ZNF775: variants seen among roughly 807,000 people sequenced by gnomAD.
ZNF775 encodes the protein zinc finger protein 775.
ZNF775 carries 1 observed loss-of-function variant against 2.4 expected under a neutral mutation model. That is an observed-to-expected ratio of 0.41 (90% CI 0.15 to 1.94). The LOEUF is 1.94. ZNF775 is among the 30% of genes most tolerant of loss of function. The pLI, the probability that ZNF775 is intolerant of heterozygous loss-of-function variation, is 0.30. For synonymous variants in ZNF775, 381 were observed against 373.3 expected (o/e 1.02, Z -0.24); for missense variants, 823 against 826.6 (o/e 1.00, Z 0.05).
rs1343184661 is a variant in ZNF775 at position 150,397,750 on chromosome 7, G to A, written c.1269G>A (p.Pro423=). 14 of 1,482,384 alleles carry A rather than the reference G, an allele frequency of 9.4e-6. No homozygotes were observed. The highest frequency in any genetic ancestry group is 2.6e-5 in the East Asian group (1 of 38,364). 91.8% of individuals were successfully genotyped at this position (1,482,384 alleles called of 1,614,324 possible). A position where few individuals can be genotyped will look rare whatever the true frequency, so the allele number is the denominator to read the frequency against. The stretch of plus-strand genomic sequence containing the variant: ...GGCCGCGGAGCTCCCAACGGTCCCC[G>A]GGGGCCCGGGACACGCTGTGGGGCC... ...AARPRSSQRS[P]GARDTLWGRG... is the part of the protein sequence containing the mutation. Residue 423 remains proline, a synonymous_variant, in exon 3 of 3, where the codon CCG becomes CCA. Transcript: ENST00000329630.
chr7:150,396,467 G>T (rs776091856), intron 2 of ZNF775, 46 bp from the exon 3 acceptor site: 2 of 1,526,710 alleles, frequency 1.3e-6, no homozygotes, highest in Admixed American at 4.7e-5. Flanking sequence ...ACCCAGCGGA[G>T]CAGCAGTGAC....
Position 150,388,014 on chromosome 7 carries a change from T to G in ZNF775, c.-49-408T>G, listed in dbSNP as rs1315923508. ...TTCTGCCTTCCGGGTGCATTCCTCA[T>G]GGCCAGTCGCAGACATGTCTCTAAC... On this transcript the variant is annotated intron_variant, in intron 1 of 2. Transcript: ENST00000329630. Among the ~76,000 whole-genome samples the G allele has an allele frequency of 1.2e-4, 19 of 152,118 alleles. No individual in the cohort carries two copies. The East Asian group carries it at 3.5e-3, about 28-fold the overall frequency.
Position 150,392,545 on chromosome 7 carries a change from A to ATCTCTCTCTCTCTCTCTCTCTCTCTC in ZNF775, c.32-3952_32-3927dup, listed in dbSNP as rs56067146. ...TTTATTTTCTTTTTTTCCCAAATGGATCTCTCTCTCTCTCTCTCTCTCTCT... is the reference window on the plus strand; with the variant it reads ...TTTATTTTCTTTTTTTCCCAAATGGATCTCTCTCTCTCTCTCTCTCTCTCTCTCTCTCTCTCTCTCTCTCTCTCTCT... On this transcript the variant is annotated intron_variant, in intron 2 of 2. Coordinates refer to ENST00000329630, the MANE Select transcript of ZNF775 (RefSeq NM_173680.4). Among the ~76,000 whole-genome samples the ATCTCTCTCTCTCTCTCTCTCTCTCTC allele has an allele frequency of 4.1e-4, 56 of 136,642 alleles. 1 individual carries two copies. Among genetic ancestry groups the ATCTCTCTCTCTCTCTCTCTCTCTCTC allele is most frequent in the African/African-American group, 1.6e-3 (53 of 33,618 alleles). The allele number at this position is 136,642 out of a possible 152,430, so 89.6% of individuals were successfully genotyped here.
In ZNF775 at chr7:150,393,738, G is replaced by A. The variant is rs149085320; in HGVS notation, c.32-2775G>A. On this transcript the variant is annotated intron_variant, in intron 2 of 2. Coordinates refer to ENST00000329630, the MANE Select transcript of ZNF775 (RefSeq NM_173680.4). Reference sequence around the variant, plus strand: ...GGCTGGAGAGCAATGGTGTGATCTCGGCTTGCTGCAACCTCTGCCTCCTGG... The same window carrying A: ...GGCTGGAGAGCAATGGTGTGATCTCAGCTTGCTGCAACCTCTGCCTCCTGG... Among the ~76,000 whole-genome samples, 1,014 of 151,804 alleles carry A rather than the reference G, an allele frequency of 6.7e-3. 12 individuals carry two copies. Among genetic ancestry groups the A allele is most frequent in the African/African-American group, 0.023 (935 of 41,384 alleles).
Position 150,397,586 on chromosome 7 carries a change from C to G in ZNF775, c.1105C>G (p.Pro369Ala). The G allele has an allele frequency of 6.8e-7, 1 of 1,476,638 alleles. No homozygotes were observed. The highest frequency in any genetic ancestry group is 8.9e-7 in the Non-Finnish European group (1 of 1,121,406). 91.5% of individuals were successfully genotyped at this position (1,476,638 alleles called of 1,614,324 possible). A position where few individuals can be genotyped will look rare whatever the true frequency, so the allele number is the denominator to read the frequency against. Residue 369 changes from proline to alanine, a missense_variant, in exon 3 of 3, where the codon CCC becomes GCC. Transcript: ENST00000329630. ...GCCCGGCGCCCAGGCTGCGCCCTGC[C>G]CCAGCTGCGGTAAGAGCTGCCGCAG... Reference protein sequence around the residue: ...HLPGAQAAPCPSCGKSCRSRA... With the variant: ...HLPGAQAAPCASCGKSCRSRA...
intron 2 of ZNF775, among the ~76,000 whole-genome samples, chr7:150,395,353 AC>A (rs1800629862): frequency 6.6e-6 from 1 of 152,140 alleles, no homozygotes; most frequent in East Asian, 1.9e-4. Flanking sequence ...TGGGTTTGTA[AC>A]GTTGACGTCT....
rs1044561897 is a variant in ZNF775 at position 150,396,615 on chromosome 7, T to G, written c.134T>G (p.Phe45Cys). ...GTGGAGAAGGACAAGGAGAACATAT[T>G]TCAGCAGCACCGGGGCCTCCCGCCA... Reference protein sequence around the residue: ...MLVEKDKENIFQQHRGLPPRQ... With the variant: ...MLVEKDKENICQQHRGLPPRQ... The change falls in exon 3 of 3, where the codon TTT becomes TGT. Residue 45 changes from phenylalanine (F) to cysteine (C), a missense_variant. Coordinates refer to ENST00000329630, the MANE Select transcript of ZNF775 (RefSeq NM_173680.4). The G allele has an allele frequency of 8.7e-6, 14 of 1,610,874 alleles. No individual in the cohort carries two copies. In the African/African-American group the frequency reaches 1.3e-4, roughly 15 times the overall value.
rs1563260515 is a variant in ZNF775 at position 150,396,766 on chromosome 7, C to T, written c.285C>T (p.Pro95=). 7 of 1,591,204 alleles carry T rather than the reference C, an allele frequency of 4.4e-6. No individual in the cohort carries two copies. Among genetic ancestry groups the T allele is most frequent in the Non-Finnish European group, 5.1e-6 (6 of 1,169,568 alleles). The change falls in exon 3 of 3, where the codon CCC becomes CCT. Residue 95 remains proline, a synonymous_variant. Coordinates refer to ENST00000329630, the MANE Select transcript of ZNF775 (RefSeq NM_173680.4). ...GGGCTCCCGGGTCAGCCTCCGGCCCCCTGAGCCCCTCGCTTTCCTCCGGCG... is the reference window on the plus strand; with the variant it reads ...GGGCTCCCGGGTCAGCCTCCGGCCCTCTGAGCCCCTCGCTTTCCTCCGGCG... ...AGRAPGSASG[P]LSPSLSSGEG...
chr7:150,379,930 G>C (rs1011564580), intron 1 of ZNF775: 1 of 152,356 alleles, frequency 6.6e-6, no homozygotes, highest in Non-Finnish European at 1.5e-5. Flanking sequence ...GCAGAAGTTG[G>C]AAGTGTGTGG....
Position 150,395,488 on chromosome 7 carries a change from C to T in ZNF775, c.32-1025C>T, listed in dbSNP as rs147974971. On this transcript the variant is annotated intron_variant, in intron 2 of 2. Coordinates refer to ENST00000329630, the MANE Select transcript of ZNF775 (RefSeq NM_173680.4). ...AAATTCTTATAAAGCAAACATTCCC[C>T]TGTAACTAGCACCCACATCAATGGA... Among the ~76,000 whole-genome samples the T allele has an allele frequency of 3.5e-4, 53 of 152,324 alleles. 2 individuals are homozygous for T. The highest frequency in any genetic ancestry group is 1.2e-3 in the African/African-American group (50 of 41,560).
In ZNF775 at chr7:150,396,949, C is replaced by G; in HGVS notation, c.468C>G (p.His156Gln). Residue 156 changes from histidine (H) to glutamine (Q), a missense_variant, in exon 3 of 3, where the codon CAC becomes CAG. Physicochemically the swap from His to Gln is conservative, Grantham distance 24 (BLOSUM62 0). Coordinates refer to ENST00000329630, the MANE Select transcript of ZNF775 (RefSeq NM_173680.4). The stretch of plus-strand genomic sequence containing the variant: ...CGAACCTGGCGCGCCACCAGCGGCA[C>G]CACACGGGCGAGCGACCCTTCTGCT... Reference protein sequence around the residue: ...QKPNLARHQRHHTGERPFCCP... With the variant: ...QKPNLARHQRQHTGERPFCCP... 1 of 1,600,976 alleles carries G rather than the reference C, an allele frequency of 6.2e-7. No homozygotes were observed. Among genetic ancestry groups the G allele is most frequent in the Non-Finnish European group, 8.5e-7 (1 of 1,179,548 alleles).
intron 1 of ZNF775, among the ~76,000 whole-genome samples, chr7:150,379,599 CCGACA>C (rs1421832051): frequency 1.3e-5 from 2 of 152,046 alleles, no homozygotes; most frequent in African/African-American, 2.4e-5. Flanking sequence ...TCCCTCTGCC[CCGACA>C]CAGCCGAGGG....
intron 1 of ZNF775, among the ~76,000 whole-genome samples, chr7:150,380,662 A>C (rs1430687175): frequency 6.6e-6 from 1 of 152,204 alleles, no homozygotes; most frequent in East Asian, 1.9e-4. Flanking sequence ...TTGAGTTCTC[A>C]GTTCCCTCTT....
At chr7:150,381,193 G>A (rs544925469) in intron 1 of ZNF775, among the ~76,000 whole-genome samples, 5 of 151,822 alleles carry the variant, frequency 3.3e-5, no homozygotes, top group Admixed American at 6.6e-5. Context: ...GGGGTGTGGC[G>A]CAGGGGAGGT....
At chr7:150,389,912 TGTG>T (rs1329389715) in intron 2 of ZNF775, among the ~76,000 whole-genome samples, 219 of 2,810 alleles carry the variant, frequency 0.078, 6 homozygotes, top group South Asian at 0.29. Flanking sequence ...TGTGTGTGTG[TGTG>T]TGTGTTATGG....
chr7:150,391,620 G>C (rs1040410261), intron 2 of ZNF775, among the ~76,000 whole-genome samples: 1 of 151,572 alleles, frequency 6.6e-6, no homozygotes, highest in Non-Finnish European at 1.5e-5. Context: ...TGTGTTTCAA[G>C]AGCTCAGATG....
In ZNF775 at chr7:150,398,105, C is replaced by T. The variant is rs1195694628; in HGVS notation, c.*10C>T. 1 of 1,541,354 alleles carries T rather than the reference C, an allele frequency of 6.5e-7. No homozygotes were observed. The highest frequency in any genetic ancestry group is 8.7e-7 in the Non-Finnish European group (1 of 1,148,194). ...GGAGGAGGCGCGCTAGTGGACTGGA[C>T]CTCAGCGGACCCGTGGTGGTGCGGG... On this transcript the variant is annotated 3_prime_UTR_variant, in exon 3 of 3. Transcript: ENST00000329630.
At chr7:150,393,651 C>G (rs368751057) in intron 2 of ZNF775, among the ~76,000 whole-genome samples, 1 of 152,132 alleles carries the variant, frequency 6.6e-6, no homozygotes, top group Admixed American at 6.5e-5. Context: ...GGATTCTAGC[C>G]ACTCTCATTT....
rs1800691331 is a variant in ZNF775 at position 150,397,449 on chromosome 7, A to G, written c.968A>G (p.Asn323Ser). The change falls in exon 3 of 3, where the codon AAC (asparagine) becomes AGC (serine). Residue 323 changes from asparagine (N) to serine (S), a missense_variant. Asn to Ser is a conservative substitution (Grantham distance 46, BLOSUM62 1). Coordinates refer to ENST00000329630, the MANE Select transcript of ZNF775 (RefSeq NM_173680.4). ...GGCCGCCGCTTCAGCCAGAAGCCCAACTTGACGCGGCACCTGCGCAACCAC... is the reference window on the plus strand; with the variant it reads ...GGCCGCCGCTTCAGCCAGAAGCCCAGCTTGACGCGGCACCTGCGCAACCAC... ...ECGRRFSQKP[N>S]LTRHLRNHTG... The G allele has an allele frequency of 1.3e-6, 2 of 1,594,062 alleles. No homozygotes were observed. The highest frequency in any genetic ancestry group is 1.7e-6 in the Non-Finnish European group (2 of 1,174,624).
Sources: allele counts gnomAD v4.1 joint callset (sites outside exome capture counted in the v4.1 genomes callset), GRCh38; gene constraint gnomAD v4.1.1; transcripts MANE v1.5; gene names NCBI Gene and HGNC (gene_info 2026-07-23, HGNC 2026-07-21).